Variants in KCNK13 observed in about 807,000 individuals in gnomAD.
KCNK13 encodes the protein potassium channel subfamily K member 13.
KCNK13 carries 12 observed loss-of-function variants against 23.4 expected under a neutral mutation model. That is an observed-to-expected ratio of 0.51 (90% CI 0.33 to 0.83). The LOEUF is 0.83. Among genes scored for constraint, KCNK13 ranks in the 40% least tolerant of loss-of-function variants. The probability of loss-of-function intolerance (pLI) is 0.02; values close to 1 mark genes in which losing one functional copy is unlikely to be tolerated. For synonymous variants in KCNK13, 231 were observed against 229.5 expected (o/e 1.01, Z -0.06); for missense variants, 463 against 556.3 (o/e 0.83, Z 1.69).
intron 1 of KCNK13, among the ~76,000 whole-genome samples, chr14:90,068,265 G>T (rs1164305871): frequency 6.6e-6 from 1 of 152,114 alleles, no homozygotes; most frequent in Non-Finnish European, 1.5e-5. Context: ...CCCCTTTGTG[G>T]CAAGTTGCAG....
chr14:90,144,573 T>C (rs1256038137), intron 1 of KCNK13, among the ~76,000 whole-genome samples: 1 of 145,568 alleles, frequency 6.9e-6, no homozygotes, highest in Non-Finnish European at 1.5e-5. Flanking sequence ...CTCAGCTCAT[T>C]GCAACCTCTG....
At chr14:90,124,117 T>C (rs1889769327) in intron 1 of KCNK13, among the ~76,000 whole-genome samples, 1 of 152,230 alleles carries the variant, frequency 6.6e-6, no homozygotes, top group African/African-American at 2.4e-5. Flanking sequence ...CAATTAGTTT[T>C]TCATGGATAG....
At chr14:90,096,545 GTA>G (rs566253798) in intron 1 of KCNK13, among the ~76,000 whole-genome samples, 228 of 152,274 alleles carry the variant, frequency 1.5e-3, no homozygotes, top group Non-Finnish European at 2.7e-3. Context: ...TTTATTAGCA[GTA>G]TATATGACCG....
intron 1 of KCNK13, among the ~76,000 whole-genome samples, chr14:90,124,599 C>A (rs183085131): frequency 5.3e-4 from 80 of 152,330 alleles, no homozygotes; most frequent in Non-Finnish European, 9.0e-4. Flanking sequence ...GAAACGGGGA[C>A]CTCGGTCCTG....
At chr14:90,173,597 G>A (rs1248532093) in intron 1 of KCNK13, among the ~76,000 whole-genome samples, 1 of 152,188 alleles carries the variant, frequency 6.6e-6, no homozygotes, top group Non-Finnish European at 1.5e-5. Flanking sequence ...TTTGAAATGG[G>A]GAGAAAGGAG....
At chr14:90,121,775 A>G (rs1176991165) in intron 1 of KCNK13, among the ~76,000 whole-genome samples, 1 of 152,110 alleles carries the variant, frequency 6.6e-6, no homozygotes, top group Non-Finnish European at 1.5e-5. Flanking sequence ...GCTGGAGTAC[A>G]GTGGCACAAT....
chr14:90,125,637 A>C, intron 1 of KCNK13, among the ~76,000 whole-genome samples: 1 of 151,920 alleles, frequency 6.6e-6, no homozygotes, highest in African/African-American at 2.4e-5. Flanking sequence ...GCGCACACAC[A>C]CACAATGATG....
At chr14:90,145,653 T>C (rs140587699) in intron 1 of KCNK13, among the ~76,000 whole-genome samples, 1 of 152,242 alleles carries the variant, frequency 6.6e-6, no homozygotes, top group African/African-American at 2.4e-5. Flanking sequence ...GAATTGGTAT[T>C]ATTGATTCCT....
chr14:90,101,033 T>C (rs1284171348), intron 1 of KCNK13, among the ~76,000 whole-genome samples: 1 of 152,148 alleles, frequency 6.6e-6, no homozygotes, highest in African/African-American at 2.4e-5. Flanking sequence ...TTCCACGTGC[T>C]TTGCAACTAA....
chr14:90,095,291 G>A (rs1026473418), intron 1 of KCNK13, among the ~76,000 whole-genome samples: 1 of 152,156 alleles, frequency 6.6e-6, no homozygotes, highest in Non-Finnish European at 1.5e-5. Context: ...TAACAGGGGT[G>A]CATGGTACAA....
chr14:90,074,219 T>A (rs916801330), intron 1 of KCNK13, among the ~76,000 whole-genome samples: 3 of 152,198 alleles, frequency 2.0e-5, no homozygotes, highest in African/African-American at 7.2e-5. Context: ...CCACCCGCCT[T>A]GGCCTCCCAA....
At chr14:90,176,311 C>G (rs1000854195) in intron 1 of KCNK13, among the ~76,000 whole-genome samples, 2 of 152,064 alleles carry the variant, frequency 1.3e-5, no homozygotes, top group Non-Finnish European at 2.9e-5. Context: ...GAAGTCTGTC[C>G]AGCTTTGAGA....
chr14:90,122,328 T>G (rs1015215741), intron 1 of KCNK13, among the ~76,000 whole-genome samples: 1 of 151,902 alleles, frequency 6.6e-6, no homozygotes, highest in African/African-American at 2.4e-5. Flanking sequence ...TAATTTTTTT[T>G]TTTTTTTTAG....
In KCNK13 at chr14:90,175,352, G is replaced by A. The variant is rs142029804; in HGVS notation, c.335-8759G>A. Among the ~76,000 whole-genome samples the A allele has an allele frequency of 5.4e-3, 818 of 152,220 alleles. 5 individuals are homozygous for A. Among genetic ancestry groups the A allele is most frequent in the African/African-American group, 0.019 (770 of 41,538 alleles). On this transcript the variant is annotated intron_variant, in intron 1 of 1. Coordinates refer to ENST00000282146, the MANE Select transcript of KCNK13 (RefSeq NM_022054.4). Reference sequence around the variant, plus strand: ...CAAAAAGACATGTACAAAAAAGTTTGTGGAAACATTATTCTTATAGCCCAA... The same window carrying A: ...CAAAAAGACATGTACAAAAAAGTTTATGGAAACATTATTCTTATAGCCCAA...
At chr14:90,102,351 C>A (rs1889492042) in intron 1 of KCNK13, among the ~76,000 whole-genome samples, 1 of 152,186 alleles carries the variant, frequency 6.6e-6, no homozygotes, top group Non-Finnish European at 1.5e-5. Flanking sequence ...CAGTTCATAA[C>A]TCTCCCATCA....
At chr14:90,154,987 C>A (rs772718959) in intron 1 of KCNK13, among the ~76,000 whole-genome samples, 1 of 152,038 alleles carries the variant, frequency 6.6e-6, no homozygotes, top group African/African-American at 2.4e-5. Context: ...CAGCAGTGAA[C>A]AAGACAGACA....
Position 90,167,668 on chromosome 14 carries a change from G to A in KCNK13, c.335-16443G>A, listed in dbSNP as rs116907917. 6.1e-4 allele frequency among the ~76,000 whole-genome samples: 93 copies of A among 152,246 alleles called. 2 individuals carry two copies. The East Asian group carries it at 0.014, about 23-fold the overall frequency. The stretch of plus-strand genomic sequence containing the variant: ...GGACCCAGGCCTGCTCATTCGCTGA[G>A]GCAGTCCACCAAGCTAGCAAACACC... On this transcript the variant is annotated intron_variant, in intron 1 of 1. Coordinates refer to ENST00000282146, the MANE Select transcript of KCNK13 (RefSeq NM_022054.4).
intron 1 of KCNK13, among the ~76,000 whole-genome samples, chr14:90,087,329 C>G (rs912874381): frequency 6.6e-6 from 1 of 151,568 alleles, no homozygotes; most frequent in African/African-American, 2.4e-5. Context: ...ATGTGTCGCA[C>G]ATTTATTTCA....
At chr14:90,181,627 T>G (rs550289381) in intron 1 of KCNK13, among the ~76,000 whole-genome samples, 1 of 152,252 alleles carries the variant, frequency 6.6e-6, no homozygotes, top group East Asian at 1.9e-4. Flanking sequence ...AGGTGCTCAG[T>G]AAATTATTGC....
Sources: allele counts gnomAD v4.1 joint callset (sites outside exome capture counted in the v4.1 genomes callset), GRCh38; gene constraint gnomAD v4.1.1; transcripts MANE v1.5; gene names NCBI Gene and HGNC (gene_info 2026-07-23, HGNC 2026-07-21).